Variants in CDH12 observed in about 807,000 individuals in gnomAD.
CDH12 encodes cadherin 12.
CDH12 carries 41 observed loss-of-function variants against 74.1 expected under a neutral mutation model. The observed-to-expected ratio is 0.55, with a 90% CI of 0.43 to 0.72. The LOEUF is 0.72. Ranked by LOEUF, CDH12 falls within the 30% of genes least tolerant of loss-of-function variation. The probability of loss-of-function intolerance (pLI) is 0.00; values close to 1 mark genes in which losing one functional copy is unlikely to be tolerated. For missense variants in CDH12, 945 were observed against 977.2 expected (o/e 0.97, Z 0.44); for synonymous variants, 399 against 355.0 (o/e 1.12, Z -1.39).
chr5:21,808,687 T>A (rs563921528), intron 9 of CDH12, among the ~76,000 whole-genome samples: 103 of 152,206 alleles, frequency 6.8e-4, no homozygotes, highest in Non-Finnish European at 1.1e-3. Flanking sequence ...ATCATTTTAA[T>A]GAAAAAGCAG....
intron 3 of CDH12, among the ~76,000 whole-genome samples, chr5:22,275,984 T>C (rs1736617719): frequency 6.6e-6 from 1 of 152,192 alleles, no homozygotes; most frequent in African/African-American, 2.4e-5. Flanking sequence ...GGTTTTTTTT[T>C]CAGATCTTTA....
intron 4 of CDH12, among the ~76,000 whole-genome samples, chr5:22,116,864 CTTTTTTTTTTTTT>C (rs70957090): frequency 9.3e-6 from 1 of 108,032 alleles, no homozygotes; most frequent in South Asian, 3.2e-4. Flanking sequence ...CTGCAAGTCT[CTTTTTTTTTTTTT>C]TTTTTTTTTT....
intron 8 of CDH12, among the ~76,000 whole-genome samples, chr5:21,833,010 AAT>A (rs1333011827): frequency 3.8e-5 from 2 of 52,500 alleles, no homozygotes; most frequent in African/African-American, 1.2e-4. Context: ...TATTATATAT[AAT>A]ATATGATATA....
intron 5 of CDH12, among the ~76,000 whole-genome samples, chr5:22,077,081 CGT>C (rs1742383510): frequency 1.4e-5 from 2 of 145,420 alleles, no homozygotes; most frequent in African/African-American, 5.2e-5. Context: ...TGTGTGTGCG[CGT>C]GTGTATTTGT....
chr5:22,636,123 C>A (rs991833275), intron 1 of CDH12, among the ~76,000 whole-genome samples: 9 of 151,994 alleles, frequency 5.9e-5, no homozygotes, highest in Non-Finnish European at 5.9e-5. Flanking sequence ...TAACCCCAAT[C>A]AAAACCACAA....
chr5:22,425,590 T>A (rs1743894468), intron 2 of CDH12, among the ~76,000 whole-genome samples: 1 of 152,108 alleles, frequency 6.6e-6, no homozygotes, highest in Non-Finnish European at 1.5e-5. Flanking sequence ...TGAAGAAATA[T>A]ATACACTTTA....
At chr5:21,953,911 G>A (rs1321192276) in intron 6 of CDH12, among the ~76,000 whole-genome samples, 1 of 151,854 alleles carries the variant, frequency 6.6e-6, no homozygotes, top group Non-Finnish European at 1.5e-5. Context: ...AAAGTTACCA[G>A]ATGTCTCTCA....
intron 5 of CDH12, among the ~76,000 whole-genome samples, chr5:22,009,611 T>G (rs1169321005): frequency 1.3e-5 from 2 of 152,184 alleles, no homozygotes; most frequent in African/African-American, 4.8e-5. Context: ...TAACATCAAC[T>G]CAACTGTGCA....
At chr5:22,536,699 A>C (rs1737863061) in intron 1 of CDH12, among the ~76,000 whole-genome samples, 1 of 152,224 alleles carries the variant, frequency 6.6e-6, no homozygotes, top group Admixed American at 6.5e-5. Context: ...ATACATAGCT[A>C]ACAGTGCAGA....
chr5:22,682,845 T>C (rs1043925626), intron 1 of CDH12, among the ~76,000 whole-genome samples: 3 of 152,090 alleles, frequency 2.0e-5, no homozygotes, highest in Non-Finnish European at 2.9e-5. Flanking sequence ...TAACTTGTCA[T>C]TGATATTAAA....
At chr5:22,078,294 T>C in intron 5 of CDH12, 152 bp downstream of exon 5, 1 of 636,014 alleles carries the variant, frequency 1.6e-6, no homozygotes. Context: ...ACCCGGGCCA[T>C]TGAGTCAGGA....
intron 2 of CDH12, among the ~76,000 whole-genome samples, chr5:22,497,638 CTT>C (rs747466944): frequency 6.0e-5 from 5 of 83,248 alleles, no homozygotes; most frequent in Admixed American, 2.0e-4. Flanking sequence ...TGTCGAATCT[CTT>C]TTTTTTTTTT....
intron 1 of CDH12, among the ~76,000 whole-genome samples, chr5:22,545,433 G>A (rs1457640232): frequency 6.6e-6 from 1 of 152,152 alleles, no homozygotes; most frequent in Non-Finnish European, 1.5e-5. Context: ...CAACAAATAT[G>A]CAGGGCAAGG....
intron 1 of CDH12, among the ~76,000 whole-genome samples, chr5:22,652,842 T>C (rs1320165269): frequency 2.0e-5 from 3 of 152,084 alleles, no homozygotes; most frequent in African/African-American, 7.2e-5. Flanking sequence ...AAAGAAACAG[T>C]AAGAAATTTG....
chr5:22,325,657 C>G (rs938302130), intron 3 of CDH12, among the ~76,000 whole-genome samples: 2 of 151,992 alleles, frequency 1.3e-5, no homozygotes, highest in African/African-American at 4.8e-5. Context: ...GAGGCCGAGG[C>G]GGGCGCATCA....
At chr5:22,058,439 C>T (rs951438043) in intron 5 of CDH12, among the ~76,000 whole-genome samples, 2 of 151,958 alleles carry the variant, frequency 1.3e-5, no homozygotes, top group African/African-American at 4.8e-5. Flanking sequence ...TATAAAAGTA[C>T]AAATGTATTT....
chr5:22,670,505 A>G (rs1012095286), intron 1 of CDH12, among the ~76,000 whole-genome samples: 1 of 152,082 alleles, frequency 6.6e-6, no homozygotes, highest in African/African-American at 2.4e-5. Flanking sequence ...ATATATTTCT[A>G]TATATTATAA....
intron 2 of CDH12, among the ~76,000 whole-genome samples, chr5:22,488,708 A>T (rs1421540561): frequency 6.6e-6 from 1 of 152,096 alleles, no homozygotes; most frequent in African/African-American, 2.4e-5. Context: ...TATTTCCAAG[A>T]GCCACTGAAA....
At chr5:22,106,439 T>A (rs374135727) in intron 4 of CDH12, among the ~76,000 whole-genome samples, 112 of 152,354 alleles carry the variant, frequency 7.4e-4, no homozygotes, top group African/African-American at 2.5e-3. Flanking sequence ...GATGTGCTAA[T>A]TGTCCTAATA....
Sources: gnomAD v4.1 joint callset for allele counts (sites outside exome capture counted in the v4.1 genomes callset) on GRCh38, gnomAD v4.1.1 for gene constraint, MANE v1.5 for transcripts, NCBI Gene and HGNC (gene_info 2026-07-23, HGNC 2026-07-21) for gene names.